RBFOX1: variants seen among roughly 807,000 people sequenced by gnomAD.
The protein encoded by RBFOX1 is RNA binding fox-1 homolog 1.
A neutral mutation model predicts 57.7 loss-of-function variants in RBFOX1; 8 were observed. That is an observed-to-expected ratio of 0.14 (90% CI 0.08 to 0.25). RBFOX1 has a LOEUF of 0.25. Ranked by LOEUF, RBFOX1 falls within the 10% of genes least tolerant of loss-of-function variation. The pLI is 1.00. For missense variants in RBFOX1, 611 were observed against 548.5 expected (o/e 1.11, Z -1.14); for synonymous variants, 326 against 222.4 (o/e 1.47, Z -4.15).
chr16:5,640,046 G>T (rs1419195683), intron 3 of RBFOX1, among the ~76,000 whole-genome samples: 1 of 152,148 alleles, frequency 6.6e-6, no homozygotes, highest in East Asian at 1.9e-4. Flanking sequence ...TAAGGATCTT[G>T]TGGCTCACCT....
chr16:5,301,188 T>A (rs1396183135), intron 1 of RBFOX1, among the ~76,000 whole-genome samples: 1 of 152,178 alleles, frequency 6.6e-6, no homozygotes, highest in Non-Finnish European at 1.5e-5. Flanking sequence ...GCTCTCCTAT[T>A]TGCTTGTTCT....
At chr16:7,435,509 A>T (rs889367581) in intron 4 of RBFOX1, among the ~76,000 whole-genome samples, 1 of 152,142 alleles carries the variant, frequency 6.6e-6, no homozygotes, top group Non-Finnish European at 1.5e-5. Flanking sequence ...TGAGCAGTTG[A>T]CACTTACGGG....
chr16:5,454,965 TTCTTTC>T (rs1567536042), intron 1 of RBFOX1, among the ~76,000 whole-genome samples: 1 of 63,814 alleles, frequency 1.6e-5, no homozygotes. Context: ...CTTCCTTTCT[TTCTTTC>T]TTTCTTTCTT....
At chr16:6,115,491 C>G (rs2096488173) in intron 1 of RBFOX1, among the ~76,000 whole-genome samples, 1 of 152,140 alleles carries the variant, frequency 6.6e-6, no homozygotes, top group Admixed American at 6.5e-5. Context: ...TGCATATTGG[C>G]TGGCCCAAGG....
chr16:6,588,108 G>T (rs1468021580), intron 2 of RBFOX1, among the ~76,000 whole-genome samples: 1 of 151,944 alleles, frequency 6.6e-6, no homozygotes, highest in East Asian at 2.0e-4. Flanking sequence ...GCACACACCT[G>T]TAATCCCAGC....
At chr16:6,460,805 A>G (rs2153063611) in intron 2 of RBFOX1, among the ~76,000 whole-genome samples, 1 of 147,736 alleles carries the variant, frequency 6.8e-6, no homozygotes, top group Non-Finnish European at 1.5e-5. Flanking sequence ...GTATATGTTA[A>G]TAGAAGCACT....
chr16:7,310,870 G>C (rs998881528), intron 4 of RBFOX1, among the ~76,000 whole-genome samples: 6 of 152,192 alleles, frequency 3.9e-5, no homozygotes, highest in Non-Finnish European at 7.3e-5. Flanking sequence ...GCAAAGCAAA[G>C]GCCCCTGTCC....
intron 2 of RBFOX1, among the ~76,000 whole-genome samples, chr16:6,561,884 T>G (rs2097183737): frequency 6.6e-6 from 1 of 152,180 alleles, no homozygotes; most frequent in African/African-American, 2.4e-5. Context: ...TTAATGACGG[T>G]ATTGGCAGCA....
intron 3 of RBFOX1, among the ~76,000 whole-genome samples, chr16:6,835,181 G>C (rs554518073): frequency 1.3e-5 from 2 of 152,048 alleles, no homozygotes; most frequent in African/African-American, 4.8e-5. Context: ...GATCACAGGC[G>C]TGAGCCACCA....
At chr16:6,028,001 C>G (rs1451629040) in intron 1 of RBFOX1, among the ~76,000 whole-genome samples, 1 of 152,156 alleles carries the variant, frequency 6.6e-6, no homozygotes, top group African/African-American at 2.4e-5. Flanking sequence ...AGTGACGGAG[C>G]AGGGGATTGA....
At chr16:6,472,473 G>T (rs2095199169) in intron 2 of RBFOX1, among the ~76,000 whole-genome samples, 1 of 152,174 alleles carries the variant, frequency 6.6e-6, no homozygotes, top group South Asian at 2.1e-4. Context: ...GCTATTGGGG[G>T]TCTTGTTGCA....
At chr16:7,285,378 TTGTGTGTGTGTGTG>T (rs113808623) in intron 4 of RBFOX1, among the ~76,000 whole-genome samples, 1 of 147,578 alleles carries the variant, frequency 6.8e-6, no homozygotes, top group African/African-American at 2.5e-5. Context: ...CTTGCATTAA[TTGTGTGTGTGTGTG>T]TGTGTGTGTG....
At position 6,470,033 on chromosome 16, in the gene RBFOX1, TCAAA is replaced by T. The variant is rs1197837689; in HGVS notation, c.-64+152979_-64+152982del. On this transcript the variant is annotated intron_variant, in intron 2 of 15. Transcript: ENST00000550418. Reference sequence around the variant, plus strand: ...CCTATTCAAACTTAATTCATAGTTATCAAACAGTCATTAAGTATCTACTTTGTGC... The same window carrying T: ...CCTATTCAAACTTAATTCATAGTTATCAGTCATTAAGTATCTACTTTGTGC... Among the ~76,000 whole-genome samples the T allele has an allele frequency of 2.0e-5, 3 of 152,236 alleles. No individual in the cohort carries two copies. The East Asian group carries it at 5.8e-4, about 29-fold the overall frequency.
chr16:5,967,771 T>C (rs1210191355), intron 4 of RBFOX1, among the ~76,000 whole-genome samples: 10 of 152,184 alleles, frequency 6.6e-5, no homozygotes, highest in African/African-American at 1.7e-4. Flanking sequence ...TTCAACAATA[T>C]ATACACACAG....
intron 3 of RBFOX1, among the ~76,000 whole-genome samples, chr16:6,679,084 A>C (rs1018220604): frequency 6.6e-6 from 1 of 152,082 alleles, no homozygotes; most frequent in African/African-American, 2.4e-5. Flanking sequence ...TTTTGAACAG[A>C]GAGAGAGGGC....
chr16:5,539,447 C>G (rs921591595), intron 2 of RBFOX1, among the ~76,000 whole-genome samples: 7 of 147,650 alleles, frequency 4.7e-5, no homozygotes, highest in African/African-American at 1.7e-4. Flanking sequence ...ACAAAATTAG[C>G]CGGGTGTAGT....
intron 3 of RBFOX1, among the ~76,000 whole-genome samples, chr16:6,792,902 C>T (rs765045825): frequency 6.6e-6 from 1 of 151,858 alleles, no homozygotes; most frequent in Admixed American, 6.6e-5. Context: ...TGATGGCGGG[C>T]ACCTGTAATC....
intron 2 of RBFOX1, among the ~76,000 whole-genome samples, chr16:5,530,729 A>G (rs994306560): frequency 1.3e-5 from 2 of 152,064 alleles, no homozygotes; most frequent in Non-Finnish European, 2.9e-5. Flanking sequence ...AACATTGCAG[A>G]ACATCCCTTG....
chr16:6,478,388 A>AATATAT (rs71406379), intron 2 of RBFOX1, among the ~76,000 whole-genome samples: 60 of 41,480 alleles, frequency 1.4e-3, no homozygotes, highest in African/African-American at 3.2e-3. Context: ...ACACCCAGCT[A>AATATAT]ATATATATAT....
Sources: gnomAD v4.1 joint callset for allele counts (sites outside exome capture counted in the v4.1 genomes callset) on GRCh38, gnomAD v4.1.1 for gene constraint, MANE v1.5 for transcripts, NCBI Gene and HGNC (gene_info 2026-07-23, HGNC 2026-07-21) for gene names.